Variants in SPECC1 observed in about 807,000 individuals in gnomAD.
The protein encoded by SPECC1 is sperm antigen with calponin homology and coiled-coil domains 1, also known as cytospin-B.
Under a neutral mutation model 104.1 loss-of-function variants are expected in SPECC1, and 62 were observed. The observed-to-expected ratio is 0.60, with a 90% CI of 0.49 to 0.74. The LOEUF is 0.74. SPECC1 is among the 30% of genes least tolerant of loss of function. The pLI is 0.00. For missense variants in SPECC1, 1,306 were observed against 1,310.5 expected (o/e 1.00, Z 0.05); for synonymous variants, 513 against 501.6 (o/e 1.02, Z -0.30).
intron 1 of SPECC1, among the ~76,000 whole-genome samples, chr17:20,091,086 ACTT>A (rs2047383254): frequency 6.6e-6 from 1 of 151,934 alleles, no homozygotes; most frequent in African/African-American, 2.4e-5. Flanking sequence ...TGTTTTTATC[ACTT>A]CTTTTTTTCC....
At chr17:20,125,637 G>C (rs540404352) in intron 3 of SPECC1, among the ~76,000 whole-genome samples, 2 of 152,328 alleles carry the variant, frequency 1.3e-5, no homozygotes, top group South Asian at 4.1e-4. Flanking sequence ...ATCCTTTTGG[G>C]ACTGGCTTAT....
intron 1 of SPECC1, among the ~76,000 whole-genome samples, chr17:20,074,614 G>T (rs1397179519): frequency 6.6e-6 from 1 of 152,040 alleles, no homozygotes; most frequent in East Asian, 1.9e-4. Flanking sequence ...GAATGCTAAG[G>T]TGCTGCTCTA....
At position 20,191,875 on chromosome 17, in the gene SPECC1, A is replaced by G. The variant is rs559612584; in HGVS notation, c.284-12458A>G. 3.6e-4 allele frequency among the ~76,000 whole-genome samples: 54 copies of G among 151,890 alleles called. No homozygotes were observed. In the South Asian group the frequency reaches 0.011, roughly 30 times the overall value. ...TTTTCATAGCTCATTTTCCATCTGTATTTCTTCTTCGGTGAGTTGTCTATT... is the reference window on the plus strand; with the variant it reads ...TTTTCATAGCTCATTTTCCATCTGTGTTTCTTCTTCGGTGAGTTGTCTATT... On this transcript the variant is annotated intron_variant, in intron 3 of 14. Transcript: ENST00000395527.
intron 14 of SPECC1, among the ~76,000 whole-genome samples, chr17:20,309,815 C>CTTTTTTT (rs763244105): frequency 9.7e-6 from 1 of 103,406 alleles, no homozygotes; most frequent in Non-Finnish European, 1.9e-5. Flanking sequence ...TTCTCCTTTT[C>CTTTTTTT]TTTTTTTTTT....
chr17:20,082,978 G>A (rs1363408376), intron 1 of SPECC1, among the ~76,000 whole-genome samples: 5 of 150,582 alleles, frequency 3.3e-5, no homozygotes, highest in African/African-American at 1.2e-4. Flanking sequence ...TCGTTCGTTC[G>A]TTCGTTCGTT....
intron 3 of SPECC1, among the ~76,000 whole-genome samples, chr17:20,114,378 G>A (rs772845636): frequency 1.3e-5 from 2 of 152,076 alleles, no homozygotes; most frequent in African/African-American, 2.4e-5. Context: ...TTTTAGTAGA[G>A]ACAGGGTTTC....
chr17:20,222,363 T>A (rs925975335), intron 4 of SPECC1, among the ~76,000 whole-genome samples: 2 of 152,306 alleles, frequency 1.3e-5, no homozygotes, highest in Non-Finnish European at 2.9e-5. Flanking sequence ...AATTATTTTG[T>A]GGCCTAACAT....
intron 1 of SPECC1, among the ~76,000 whole-genome samples, chr17:20,021,081 G>C (rs1223373663): frequency 6.6e-6 from 1 of 152,120 alleles, no homozygotes; most frequent in African/African-American, 2.4e-5. Context: ...ATAAGGAAGA[G>C]AAAATATACT....
At position 20,298,920 on chromosome 17, in the gene SPECC1, A is replaced by AG. The variant is rs1435742873; in HGVS notation, c.3057+1843_3057+1844insG. On this transcript the variant is annotated intron_variant, in intron 13 of 14. Transcript: ENST00000395527. ...AGAATTCTCCAAAAAAGCAGAACCA[A>AG]AAGAGAGAGAGAGAGAGAGAGAGAG... 7.8e-4 allele frequency among the ~76,000 whole-genome samples: 62 copies of AG among 79,642 alleles called. 1 individual carries two copies. In the East Asian group the frequency reaches 0.051, roughly 66 times the overall value. 52.2% of individuals were successfully genotyped at this position (79,642 alleles called of 152,430 possible).
intron 1 of SPECC1, among the ~76,000 whole-genome samples, chr17:20,032,699 G>A (rs1207753112): frequency 1.3e-5 from 2 of 151,082 alleles, no homozygotes; most frequent in Non-Finnish European, 2.9e-5. Flanking sequence ...TTTTAATCAC[G>A]CTTTTCTTTA....
chr17:20,141,333 A>G (rs1217433663), intron 3 of SPECC1, among the ~76,000 whole-genome samples: 1 of 152,140 alleles, frequency 6.6e-6, no homozygotes, highest in African/African-American at 2.4e-5. Flanking sequence ...CTGCTCATTC[A>G]GCAAGCAGGC....
intron 3 of SPECC1, among the ~76,000 whole-genome samples, chr17:20,176,997 G>A (rs1256441863): frequency 1.3e-5 from 2 of 152,128 alleles, no homozygotes; most frequent in South Asian, 2.1e-4. Flanking sequence ...CTTGCACAGC[G>A]GTACCCTGAG....
intron 3 of SPECC1, among the ~76,000 whole-genome samples, chr17:20,159,559 C>T (rs2032944356): frequency 6.6e-6 from 1 of 152,210 alleles, no homozygotes; most frequent in Non-Finnish European, 1.5e-5. Flanking sequence ...GTTTCTAAGG[C>T]AGAAGGCAGC....
chr17:20,175,140 T>C (rs1161393839), intron 3 of SPECC1, among the ~76,000 whole-genome samples: 4 of 152,120 alleles, frequency 2.6e-5, no homozygotes, highest in Admixed American at 2.6e-4. Flanking sequence ...GGGGTAATGC[T>C]GTGGGCCCAG....
intron 6 of SPECC1, 76 bp from the exon 7 acceptor site, chr17:20,232,124 C>A: frequency 6.5e-7 from 1 of 1,548,432 alleles, no homozygotes. Context: ...GTGACCAACA[C>A]GGGGACTCTG....
chr17:20,188,054 A>G (rs558200956), intron 3 of SPECC1, among the ~76,000 whole-genome samples: 2 of 152,302 alleles, frequency 1.3e-5, no homozygotes, highest in African/African-American at 4.8e-5. Flanking sequence ...GAGCTGCTCA[A>G]CAGTGGAAGG....
intron 3 of SPECC1, among the ~76,000 whole-genome samples, chr17:20,134,627 A>AT (rs1349475457): frequency 2.0e-5 from 3 of 151,944 alleles, no homozygotes; most frequent in African/African-American, 7.3e-5. Flanking sequence ...GTTTTGTTTT[A>AT]TTTTTTTGAG....
intron 1 of SPECC1, among the ~76,000 whole-genome samples, chr17:20,093,756 A>G (rs1409011695): frequency 7.0e-6 from 1 of 143,784 alleles, no homozygotes; most frequent in African/African-American, 2.6e-5. Flanking sequence ...TTGGAGATGG[A>G]GTCTCCCTCT....
intron 1 of SPECC1, among the ~76,000 whole-genome samples, chr17:20,065,684 G>T (rs1425048081): frequency 6.6e-6 from 1 of 152,180 alleles, no homozygotes; most frequent in African/African-American, 2.4e-5. Context: ...TGGACAAAAA[G>T]TACATGATCT....
Sources: allele counts gnomAD v4.1 joint callset (sites outside exome capture counted in the v4.1 genomes callset), GRCh38; gene constraint gnomAD v4.1.1; transcripts MANE v1.5; gene names NCBI Gene and HGNC (gene_info 2026-07-23, HGNC 2026-07-21).